Variants in GRM7 observed in about 807,000 individuals in gnomAD.
The protein encoded by GRM7 is metabotropic glutamate receptor 7.
A neutral mutation model predicts 84.5 loss-of-function variants in GRM7; 35 were observed. The ratio of observed to expected loss-of-function variants is 0.41; its 90% CI spans 0.32 to 0.55. The LOEUF (loss-of-function observed/expected upper bound fraction) is 0.55, where lower values mean the gene tolerates loss of function less well. Among genes scored for constraint, GRM7 ranks in the 20% least tolerant of loss-of-function variants. GRM7 has a pLI of 0.19. For synonymous variants in GRM7, 487 were observed against 455.1 expected, an observed-to-expected ratio of 1.07 and a Z score of -0.89; for missense variants, 1,003 against 1,194.6, an observed-to-expected ratio of 0.84 and a Z score of 2.36.
intron 1 of GRM7, among the ~76,000 whole-genome samples, chr3:6,925,561 C>G (rs1212902342): frequency 6.6e-6 from 1 of 152,156 alleles, no homozygotes; most frequent in Non-Finnish European, 1.5e-5. Flanking sequence ...AAACCAGGAT[C>G]TTGATTTTAG....
intron 2 of GRM7, among the ~76,000 whole-genome samples, chr3:7,181,652 A>G (rs1575001146): frequency 6.6e-6 from 1 of 152,256 alleles, no homozygotes; most frequent in South Asian, 2.1e-4. Flanking sequence ...TCTGTCACCC[A>G]GGCTGGAGTG....
At chr3:7,574,181 A>T (rs553885827) in intron 7 of GRM7, among the ~76,000 whole-genome samples, 73 of 123,562 alleles carry the variant, frequency 5.9e-4, no homozygotes, top group Non-Finnish European at 8.1e-4. Context: ...TTTTTTTGAG[A>T]TGGAGTTTTG....
At chr3:6,946,283 G>T (rs1425003356) in intron 1 of GRM7, among the ~76,000 whole-genome samples, 1 of 152,154 alleles carries the variant, frequency 6.6e-6, no homozygotes, top group African/African-American at 2.4e-5. Context: ...CATATGGCTA[G>T]CCAGTTTTCC....
intron 4 of GRM7, among the ~76,000 whole-genome samples, chr3:7,394,880 A>C (rs1262975280): frequency 2.0e-5 from 3 of 152,102 alleles, no homozygotes; most frequent in South Asian, 2.1e-4. Flanking sequence ...TCTACTAAAA[A>C]TACAAAAATT....
At chr3:7,521,090 T>C (rs1367627209) in intron 7 of GRM7, among the ~76,000 whole-genome samples, 3 of 152,170 alleles carry the variant, frequency 2.0e-5, no homozygotes, top group African/African-American at 7.2e-5. Flanking sequence ...TGCATAGAAG[T>C]ATCAGTTCAA....
intron 1 of GRM7, among the ~76,000 whole-genome samples, chr3:6,970,058 A>G (rs1693682686): frequency 6.6e-6 from 1 of 152,214 alleles, no homozygotes; most frequent in Non-Finnish European, 1.5e-5. Flanking sequence ...GCACTAAGTG[A>G]ACTGGGCCAG....
Position 7,653,112 on chromosome 3 carries a change from C to T in GRM7, c.2452-26937C>T, listed in dbSNP as rs531700487. ...TGAATACCGCAAACCACTCCTCTGC[C>T]CTCCAGCATCTCCTTAGCCTGCTTT... On this transcript the variant is annotated intron_variant, in intron 8 of 9. Transcript: ENST00000357716. Among the ~76,000 whole-genome samples, 7 of 152,014 alleles carry T rather than the reference C, an allele frequency of 4.6e-5. No individual in the cohort carries two copies. The East Asian group carries it at 1.4e-3, about 29-fold the overall frequency.
intron 1 of GRM7, among the ~76,000 whole-genome samples, chr3:6,959,933 T>C (rs906339868): frequency 2.6e-5 from 4 of 152,130 alleles, no homozygotes; most frequent in Admixed American, 1.3e-4. Context: ...TATCTGAAGG[T>C]GTTTCTTTCT....
intron 1 of GRM7, among the ~76,000 whole-genome samples, chr3:6,953,420 C>G (rs374689227): frequency 1.7e-4 from 26 of 152,174 alleles, no homozygotes; most frequent in African/African-American, 5.3e-4. Context: ...CAAGCAAGCT[C>G]TCTGCTGAAT....
chr3:7,393,379 C>A (rs1032363084), intron 4 of GRM7, among the ~76,000 whole-genome samples: 5 of 152,080 alleles, frequency 3.3e-5, no homozygotes, highest in Admixed American at 6.5e-5. Flanking sequence ...CCTAGTGAGT[C>A]GAGGGTTTCT....
intron 3 of GRM7, among the ~76,000 whole-genome samples, chr3:7,304,338 T>G (rs1186992361): frequency 1.4e-5 from 2 of 139,124 alleles, no homozygotes; most frequent in East Asian, 4.2e-4. Flanking sequence ...CTTGAGAGGT[T>G]AATAATATCA....
intron 1 of GRM7, among the ~76,000 whole-genome samples, chr3:7,033,237 A>G (rs968256532): frequency 1.3e-5 from 2 of 149,346 alleles, no homozygotes; most frequent in Non-Finnish European, 3.0e-5. Context: ...TTTAAGGTCC[A>G]CCTTAATCTA....
At position 7,063,730 on chromosome 3, in the gene GRM7, A is replaced by G. The variant is rs573896679; in HGVS notation, c.520-82722A>G. On this transcript the variant is annotated intron_variant, in intron 1 of 9. Coordinates refer to ENST00000357716, the MANE Select transcript of GRM7 (RefSeq NM_000844.4). ...GAAACTCCCAGTTGGGAGAGACCCA[A>G]GGTCACCCCCTATTCCAATGGAGTG... Among the ~76,000 whole-genome samples the G allele has an allele frequency of 1.6e-3, 240 of 150,324 alleles. 1 individual carries two copies. Among genetic ancestry groups the G allele is most frequent in the African/African-American group, 5.6e-3 (228 of 40,868 alleles).
intron 2 of GRM7, among the ~76,000 whole-genome samples, chr3:7,168,391 T>C (rs1409836314): frequency 4.6e-5 from 7 of 152,082 alleles, no homozygotes; most frequent in Admixed American, 4.6e-4. Flanking sequence ...TGATTAGGTT[T>C]AGATGAGGTC....
intron 1 of GRM7, among the ~76,000 whole-genome samples, chr3:6,895,583 A>C (rs751701369): frequency 1.3e-5 from 2 of 152,206 alleles, no homozygotes; most frequent in Non-Finnish European, 2.9e-5. Flanking sequence ...GTAAGAGATA[A>C]GTCTGAACCC....
chr3:7,276,820 G>GC (rs5846503), intron 2 of GRM7, among the ~76,000 whole-genome samples: 100,861 of 100,862 alleles, frequency 1, 50,430 homozygotes, highest in Non-Finnish European at 1. Flanking sequence ...GTGGTGGCAT[G>GC]TTGTTGTACA....
intron 5 of GRM7, among the ~76,000 whole-genome samples, chr3:7,446,077 T>G (rs1249916137): frequency 6.6e-6 from 1 of 152,196 alleles, no homozygotes; most frequent in Non-Finnish European, 1.5e-5. Context: ...AACATCAATA[T>G]TTAAGTTAAT....
chr3:7,584,973 G>A lies in GRM7; in HGVS notation c.2451+5616G>A, dbSNP rs538492830. Among the ~76,000 whole-genome samples, 11 of 152,236 alleles carry A rather than the reference G, an allele frequency of 7.2e-5. No homozygotes were observed. The South Asian group carries it at 2.3e-3, about 32-fold the overall frequency. On this transcript the variant is annotated intron_variant, in intron 8 of 9. Coordinates refer to ENST00000357716, the MANE Select transcript of GRM7 (RefSeq NM_000844.4). ...ACAATGATTGTCCAATCATCTGGTG[G>A]TAACTTCCAGCCATATAAACATACA...
chr3:7,167,694 G>A (rs1694843807), intron 2 of GRM7, among the ~76,000 whole-genome samples: 3 of 152,046 alleles, frequency 2.0e-5, no homozygotes, highest in South Asian at 2.1e-4. Flanking sequence ...TGCAGGCCGG[G>A]CACGGGGGCT....
Sources: gnomAD v4.1 joint callset for allele counts (sites outside exome capture counted in the v4.1 genomes callset) on GRCh38, gnomAD v4.1.1 for gene constraint, MANE v1.5 for transcripts, NCBI Gene and HGNC (gene_info 2026-07-23, HGNC 2026-07-21) for gene names.